Variants in CPSF4L observed in about 807,000 individuals in gnomAD.
CPSF4L encodes the protein cleavage and polyadenylation specific factor 4 like.
In CPSF4L, 18 loss-of-function variants were observed where a neutral mutation model predicts 24.0. That is an observed-to-expected ratio of 0.75 (90% CI 0.52 to 1.11). The LOEUF is 1.11. Ranked by LOEUF, CPSF4L falls within the 50% of genes least tolerant of loss-of-function variation. The pLI is 0.00. For synonymous variants in CPSF4L, 72 were observed against 77.2 expected (o/e 0.93, Z 0.35); for missense variants, 211 against 221.8 (o/e 0.95, Z 0.31).
chr17:73,257,918 G>T, intron 2 of CPSF4L, 85 bp from the exon 3 acceptor site: 1 of 1,425,030 alleles, frequency 7.0e-7, no homozygotes, highest in Non-Finnish European at 9.5e-7. Context: ...CCCCAGGAGG[G>T]TACCTGACTC....
rs147505248 is a variant in CPSF4L, at chr17:73,256,016, T to C, written c.307+1665A>G. Among the ~76,000 whole-genome samples the C allele has an allele frequency of 5.6e-3, 858 of 152,320 alleles. 9 individuals carry two copies. The highest frequency in any genetic ancestry group is 0.019 in the African/African-American group (783 of 41,570). ...AATTAGAGTGATCATCACTTTGATA[T>C]TCGAAAGCCATATGCATTCATTTAC... On this transcript the variant is annotated intron_variant, in intron 3 of 5. Transcript: ENST00000344935.
the CPSF4L span, chr17:73,242,900 G>C: frequency 2.5e-6 from 4 of 1,613,052 alleles, no homozygotes; most frequent in Non-Finnish European, 3.4e-6. Flanking sequence ...GAACAGGCTG[G>C]ATCAGGTGCA....
At chr17:73,242,340 C>A in the CPSF4L span, 1 of 1,583,924 alleles carries the variant, frequency 6.3e-7, no homozygotes, top group South Asian at 1.1e-5. Flanking sequence ...CTCTTGGGAG[C>A]TGTACAAAAA....
Position 73,251,024 on chromosome 17 carries a change from G to A in CPSF4L, c.497+1606C>T, listed in dbSNP as rs925967175. On this transcript the variant is annotated intron_variant, in intron 5 of 5. Transcript: ENST00000344935. ...CCCTGATCCCCAGGCAGGAGAGCAG[G>A]CACTCTGTTGGGGATGGGGGTTTCC... The A allele has an allele frequency of 5.2e-6, 8 of 1,549,532 alleles. No homozygotes were observed. The East Asian group carries it at 2.0e-4, about 38-fold the overall frequency.
At chr17:73,256,074 G>A (rs1177663415) in intron 3 of CPSF4L, among the ~76,000 whole-genome samples, 1 of 152,180 alleles carries the variant, frequency 6.6e-6, no homozygotes, top group African/African-American at 2.4e-5. Flanking sequence ...TTGTAATCAT[G>A]GGCTTACAAG....
chr17:73,262,986 C>G (rs1045643058), upstream of CPSF4L, among the ~76,000 whole-genome samples: 6 of 152,260 alleles, frequency 3.9e-5, no homozygotes, highest in Admixed American at 2.6e-4. Context: ...CGAGGTGGGA[C>G]TGGGAGGAGC....
rs534577168 is a variant in CPSF4L at position 73,257,550 on chromosome 17, A to G, written c.307+131T>C. The stretch of plus-strand genomic sequence containing the variant: ...TTTGGAGAACAGACACCTGAGACTC[A>G]GACAGGTCTCTCTGGCCTCCAGGGA... On this transcript the variant is annotated intron_variant, in intron 3 of 5. Transcript: ENST00000344935. 41 of 894,540 alleles carry G rather than the reference A, an allele frequency of 4.6e-5. No individual in the cohort carries two copies. The East Asian group carries it at 7.7e-4, about 17-fold the overall frequency. The allele number at this position is 894,540 out of a possible 1,614,324, so 55.4% of individuals were successfully genotyped here.
chr17:73,247,299 G>A (rs561965668), downstream of CPSF4L: 13 of 1,614,076 alleles, frequency 8.1e-6, no homozygotes, highest in East Asian at 2.2e-5. Context: ...TTGGTGTGGC[G>A]AAGACGACTG....
intron 2 of CPSF4L, among the ~76,000 whole-genome samples, chr17:73,258,381 C>T (rs2062031776): frequency 6.6e-6 from 1 of 152,164 alleles, no homozygotes; most frequent in Non-Finnish European, 1.5e-5. Flanking sequence ...TCTCAGCTCA[C>T]TGCAACCTCC....
downstream of CPSF4L, chr17:73,244,547 G>A (rs2061911851): frequency 1.2e-5 from 1 of 82,816 alleles, no homozygotes; most frequent in Non-Finnish European, 2.1e-5. Context: ...GGCAACAAGT[G>A]AAACTGCATC....
chr17:73,257,854 G>A (rs758265077), intron 2 of CPSF4L, 21 bp from the exon 3 acceptor site: 17 of 1,550,436 alleles, frequency 1.1e-5, no homozygotes, highest in African/African-American at 6.8e-5. Flanking sequence ...CAGAGCACCT[G>A]GCTGGGAGGC....
intron 2 of CPSF4L, among the ~76,000 whole-genome samples, chr17:73,259,492 T>C (rs948142128): frequency 6.0e-4 from 91 of 152,318 alleles, no homozygotes; most frequent in Admixed American, 1.2e-3. Flanking sequence ...AGGTGCTCTT[T>C]TTAAATACCC....
rs918575537 is a variant in CPSF4L at position 73,261,544 on chromosome 17, C to T, written c.103+172G>A. On this transcript the variant is annotated intron_variant, in intron 1 of 5. Transcript: ENST00000344935. ...GGCGTGGTGGCGGGCGCCTGTAGTC[C>T]CAGCTCCTCGGGAGGCTGAGGCAGG... Among the ~76,000 whole-genome samples, 11 of 152,312 alleles carry T rather than the reference C, an allele frequency of 7.2e-5. No homozygotes were observed. The East Asian group carries it at 1.9e-3, about 27-fold the overall frequency.
In CPSF4L at chr17:73,257,661, G is replaced by A. The variant is rs374726001; in HGVS notation, c.307+20C>T. The A allele has an allele frequency of 4.6e-5, 72 of 1,550,820 alleles. No homozygotes were observed. The highest frequency in any genetic ancestry group is 1.7e-4 in the Middle Eastern group (1 of 5,984). On this transcript the variant is annotated intron_variant, in intron 3 of 5. Coordinates refer to ENST00000344935, the MANE Select transcript of CPSF4L (RefSeq NM_001129885.1). ...CTGCCACCCTCCAGGGTGAGGCACCGAGCCAGGAAGAGGCCTTACCAAACT... is the reference window on the plus strand; with the variant it reads ...CTGCCACCCTCCAGGGTGAGGCACCAAGCCAGGAAGAGGCCTTACCAAACT...
chr17:73,248,464 T>C lies in CPSF4L; in HGVS notation c.*30A>G. ...TCGTGTTCTGCCCTGTCTGTGGCATTGGAGTGCCCCGCTAGGTAAGAAGCA... is the reference window on the plus strand; with the variant it reads ...TCGTGTTCTGCCCTGTCTGTGGCATCGGAGTGCCCCGCTAGGTAAGAAGCA... On this transcript the variant is annotated 3_prime_UTR_variant, in exon 6 of 6. Transcript: ENST00000344935. 2.6e-6 allele frequency: 4 copies of C among 1,550,328 alleles called. No individual in the cohort carries two copies. The highest frequency in any genetic ancestry group is 3.5e-6 in the Non-Finnish European group (4 of 1,145,724).
chr17:73,260,200 G>T (rs2062039929), intron 2 of CPSF4L, among the ~76,000 whole-genome samples: 2 of 152,154 alleles, frequency 1.3e-5, no homozygotes, highest in African/African-American at 2.4e-5. Flanking sequence ...CAGAGCAGGG[G>T]ACTGGGGGAG....
downstream of CPSF4L, among the ~76,000 whole-genome samples, chr17:73,245,934 C>T (rs2061944773): frequency 6.6e-6 from 1 of 152,012 alleles, no homozygotes; most frequent in African/African-American, 2.4e-5. Flanking sequence ...TGAGAAATTC[C>T]TCTCCATTTG....
At chr17:73,246,409 G>C (rs530602745), downstream of CPSF4L, among the ~76,000 whole-genome samples, 1 of 152,268 alleles carries the variant, frequency 6.6e-6, no homozygotes, top group Non-Finnish European at 1.5e-5. Flanking sequence ...AGTGGCACAC[G>C]CCTGTAGTCC....
upstream of CPSF4L, chr17:73,262,416 A>AAG (rs1313010981): frequency 6.6e-6 from 1 of 152,464 alleles, no homozygotes; most frequent in Non-Finnish European, 1.5e-5. Flanking sequence ...AAAAGGAATG[A>AAG]AGAGGAGAGG....
Sources: gnomAD v4.1 joint callset for allele counts (sites outside exome capture counted in the v4.1 genomes callset) on GRCh38, gnomAD v4.1.1 for gene constraint, MANE v1.5 for transcripts, NCBI Gene and HGNC (gene_info 2026-07-23, HGNC 2026-07-21) for gene names.